TMEM132C: variants seen among roughly 807,000 people sequenced by gnomAD.
The protein encoded by TMEM132C is protein phosphatase 1, regulatory subunit 152.
TMEM132C carries 29 observed loss-of-function variants against 61.4 expected under a neutral mutation model. The ratio of observed to expected loss-of-function variants is 0.47; its 90% CI spans 0.35 to 0.64. The LOEUF (loss-of-function observed/expected upper bound fraction) is 0.64. Ranked by LOEUF, TMEM132C falls within the 30% of genes least tolerant of loss-of-function variation. The probability of loss-of-function intolerance (pLI) is 0.00; values close to 1 mark genes in which losing one functional copy is unlikely to be tolerated. For missense variants in TMEM132C, 1,408 were observed against 1,476.9 expected, an observed-to-expected ratio of 0.95 and a Z score of 0.76; for synonymous variants, 656 against 633.1, an observed-to-expected ratio of 1.04 and a Z score of -0.54.
chr12:128,562,794 CA>C (rs1874570339), intron 3 of TMEM132C, among the ~76,000 whole-genome samples: 1 of 152,300 alleles, frequency 6.6e-6, no homozygotes, highest in African/African-American at 2.4e-5. Context: ...CAGCAGCCCC[CA>C]AATCCCTGGT....
intron 2 of TMEM132C, among the ~76,000 whole-genome samples, chr12:128,506,118 C>A (rs1872349658): frequency 6.6e-6 from 1 of 152,202 alleles, no homozygotes; most frequent in Admixed American, 6.5e-5. Flanking sequence ...CTGCAGGACC[C>A]AACCTCGCCG....
At chr12:128,596,635 C>G (rs1231106617) in intron 3 of TMEM132C, among the ~76,000 whole-genome samples, 12 of 148,984 alleles carry the variant, frequency 8.1e-5, no homozygotes, top group African/African-American at 3.0e-4. Flanking sequence ...CTCCATCACA[C>G]TGGGCTGCCC....
intron 3 of TMEM132C, among the ~76,000 whole-genome samples, chr12:128,608,271 G>C (rs570187073): frequency 6.6e-6 from 1 of 152,170 alleles, no homozygotes; most frequent in African/African-American, 2.4e-5. Flanking sequence ...ACAAGGGTTG[G>C]CTTACTACAG....
intron 2 of TMEM132C, among the ~76,000 whole-genome samples, chr12:128,465,496 C>T (rs575433002): frequency 3.3e-5 from 5 of 152,332 alleles, no homozygotes; most frequent in African/African-American, 9.6e-5. Context: ...CCACCACACC[C>T]GGCCTCTTCA....
intron 1 of TMEM132C, among the ~76,000 whole-genome samples, chr12:128,324,571 T>C (rs1223634454): frequency 6.6e-6 from 1 of 152,118 alleles, no homozygotes; most frequent in African/African-American, 2.4e-5. Context: ...TCAACAATCA[T>C]GTTGTGGGCC....
At chr12:128,414,233 T>A (rs1868676148) in intron 1 of TMEM132C, among the ~76,000 whole-genome samples, 1 of 151,986 alleles carries the variant, frequency 6.6e-6, no homozygotes, top group African/African-American at 2.4e-5. Context: ...TTAAAAAAAA[T>A]ATTATAAAGA....
At chr12:128,442,764 G>A (rs1415209471) in intron 2 of TMEM132C, among the ~76,000 whole-genome samples, 2 of 152,052 alleles carry the variant, frequency 1.3e-5, no homozygotes, top group African/African-American at 4.8e-5. Context: ...TAAAGTGACC[G>A]CTTCAGTGGC....
At chr12:128,353,888 C>T (rs964094645) in intron 1 of TMEM132C, among the ~76,000 whole-genome samples, 2 of 152,156 alleles carry the variant, frequency 1.3e-5, no homozygotes, top group South Asian at 2.1e-4. Flanking sequence ...CCTCGTATCA[C>T]GGGGTTGCTG....
chr12:128,579,275 G>C (rs1318941967), intron 3 of TMEM132C, among the ~76,000 whole-genome samples: 1 of 152,172 alleles, frequency 6.6e-6, no homozygotes, highest in Non-Finnish European at 1.5e-5. Flanking sequence ...TCGTAGCCCA[G>C]CTTTGTTCAC....
At chr12:128,666,762 A>C (rs879602896) in intron 4 of TMEM132C, among the ~76,000 whole-genome samples, 4 of 152,236 alleles carry the variant, frequency 2.6e-5, no homozygotes, top group Non-Finnish European at 5.9e-5. Context: ...GTTTCCTTTT[A>C]TCATTTGTTA....
chr12:128,413,152 A>G (rs969827510), intron 1 of TMEM132C, among the ~76,000 whole-genome samples: 1 of 152,026 alleles, frequency 6.6e-6, no homozygotes, highest in Non-Finnish European at 1.5e-5. Context: ...CAAAAAAATT[A>G]GCCAGGCATG....
intron 3 of TMEM132C, among the ~76,000 whole-genome samples, chr12:128,550,449 C>A (rs2136154755): frequency 6.6e-6 from 1 of 152,214 alleles, no homozygotes; most frequent in East Asian, 1.9e-4. Flanking sequence ...AGACTACAGG[C>A]ATGCACCACC....
chr12:128,492,398 T>C (rs1871770916), intron 2 of TMEM132C, among the ~76,000 whole-genome samples: 1 of 152,214 alleles, frequency 6.6e-6, no homozygotes, highest in African/African-American at 2.4e-5. Flanking sequence ...ATGGTATTTC[T>C]AGTTCTAGAT....
chr12:128,359,778 A>T (rs752822946), intron 1 of TMEM132C, among the ~76,000 whole-genome samples: 2 of 152,152 alleles, frequency 1.3e-5, no homozygotes, highest in Non-Finnish European at 2.9e-5. Flanking sequence ...TTGGGGGATC[A>T]TGTTGGTGTT....
In TMEM132C at chr12:128,619,197, A is replaced by G. The variant is rs77334247; in HGVS notation, c.1305+2862A>G. ...TTTGAACCAATTAAGCATATTTTCC[A>G]ATTTGTTGATCGTTTTAAAGAAAAC... On this transcript the variant is annotated intron_variant, in intron 4 of 8. Coordinates refer to ENST00000435159, the MANE Select transcript of TMEM132C (RefSeq NM_001136103.3). Among the ~76,000 whole-genome samples the G allele has an allele frequency of 2.5e-3, 377 of 152,330 alleles. 2 individuals are homozygous for G. The highest frequency in any genetic ancestry group is 8.2e-3 in the African/African-American group (340 of 41,576).
At chr12:128,374,255 GTGGA>G (rs1454484581) in intron 1 of TMEM132C, among the ~76,000 whole-genome samples, 2 of 152,200 alleles carry the variant, frequency 1.3e-5, no homozygotes, top group African/African-American at 4.8e-5. Context: ...ACCCTCCATG[GTGGA>G]GTGTGTGTTG....
rs778413532 is a variant in TMEM132C, at chr12:128,706,164, G to A, written c.3196G>A (p.Asp1066Asn). Reference protein sequence around the residue: ...FTTFTTIPPDDSCPTVNSIVS... With the variant: ...FTTFTTIPPDNSCPTVNSIVS... ...CACCTTTACCACCATCCCCCCGGAC[G>A]ACAGCTGCCCCACGGTGAACTCCAT... is the stretch of plus-strand genomic sequence containing the variant. Residue 1066 changes from aspartate (D) to asparagine (N), a missense_variant, in exon 9 of 9, where the codon GAC becomes AAC. Physicochemically the swap from Asp to Asn is conservative, Grantham distance 23. Transcript: ENST00000435159. The A allele has an allele frequency of 7.1e-6, 11 of 1,551,474 alleles. No homozygotes were observed. The highest frequency in any genetic ancestry group is 1.7e-4 in the Middle Eastern group (1 of 6,012).
intron 1 of TMEM132C, among the ~76,000 whole-genome samples, chr12:128,396,879 G>A (rs1713595): frequency 0.29 from 43,811 of 152,142 alleles, 6,454 homozygotes; most frequent in South Asian, 0.41. Context: ...GGGGTTTGCT[G>A]TGTTCAGGCA....
At chr12:128,432,540 G>T (rs922943748) in intron 2 of TMEM132C, among the ~76,000 whole-genome samples, 4 of 152,216 alleles carry the variant, frequency 2.6e-5, no homozygotes, top group Non-Finnish European at 1.5e-5. Flanking sequence ...AGTACCTCCA[G>T]ATGTGGTAGA....
Sources: gnomAD v4.1 joint callset for allele counts (sites outside exome capture counted in the v4.1 genomes callset) on GRCh38, gnomAD v4.1.1 for gene constraint, MANE v1.5 for transcripts, NCBI Gene and HGNC (gene_info 2026-07-23, HGNC 2026-07-21) for gene names.